TAF3: variants seen among roughly 807,000 people sequenced by gnomAD.
TAF3 encodes transcription initiation factor TFIID subunit 3.
A neutral mutation model predicts 80.6 loss-of-function variants in TAF3; 7 were observed. The observed-to-expected ratio is 0.09, with a 90% confidence interval of 0.05 to 0.16. The LOEUF (loss-of-function observed/expected upper bound fraction) is 0.16. Among genes scored for constraint, TAF3 ranks in the 10% least tolerant of loss-of-function variants. The pLI is 1.00. For missense variants in TAF3, 921 were observed against 1,140.2 expected, an observed-to-expected ratio of 0.81 and a Z score of 2.77; for synonymous variants, 444 against 446.1, an observed-to-expected ratio of 1.00 and a Z score of 0.06.
chr10:7,999,083 T>G (rs1055647333), intron 4 of TAF3, among the ~76,000 whole-genome samples: 9 of 152,044 alleles, frequency 5.9e-5, no homozygotes, highest in African/African-American at 1.7e-4. Context: ...TGTGACTCAT[T>G]AAGCAGATGG....
At chr10:7,882,892 G>A (rs909657339) in intron 2 of TAF3, among the ~76,000 whole-genome samples, 15 of 152,108 alleles carry the variant, frequency 9.9e-5, no homozygotes, top group African/African-American at 3.1e-4. Flanking sequence ...ACTTTACATC[G>A]TTTGCTTTTT....
intron 2 of TAF3, among the ~76,000 whole-genome samples, chr10:7,924,735 A>G (rs1272563402): frequency 6.6e-6 from 1 of 151,966 alleles, no homozygotes; most frequent in Non-Finnish European, 1.5e-5. Flanking sequence ...CACCACCCCA[A>G]CAGAACACTA....
At position 7,994,995 on chromosome 10, in the gene TAF3, A is replaced by C. The variant is rs1030687199; in HGVS notation, c.2316-14083A>C. ...AAAAAAAGAAAAAAAAAAAAAAAAA[A>C]GAAAAAAGAAATCCTGAGTCTTAAG... On this transcript the variant is annotated intron_variant, in intron 4 of 6. Transcript: ENST00000344293. Among the ~76,000 whole-genome samples, 19 of 150,566 alleles carry C rather than the reference A, an allele frequency of 1.3e-4. No homozygotes were observed. The East Asian group carries it at 3.7e-3, about 29-fold the overall frequency.
Position 7,965,349 on chromosome 10 carries a change from A to C in TAF3, c.1839A>C (p.Lys613Asn). 1 of 1,603,528 alleles carries C rather than the reference A, an allele frequency of 6.2e-7. No homozygotes were observed. The highest frequency in any genetic ancestry group is 8.5e-7 in the Non-Finnish European group (1 of 1,177,504). Reference protein sequence around the residue: ...KLKDGLVRKEKEKHKDKKKDR... With the variant: ...KLKDGLVRKENEKHKDKKKDR... The stretch of plus-strand genomic sequence containing the variant: ...AAGATGGACTTGTGAGGAAGGAGAA[A>C]GAGAAGCATAAAGATAAGAAGAAAG... The change falls in exon 3 of 7, where the codon AAA (lysine) becomes AAC (asparagine). Residue 613 changes from lysine to asparagine, a missense_variant. Physicochemically the swap from Lys to Asn is moderately conservative, Grantham distance 94 (BLOSUM62 0). Transcript: ENST00000344293.
At chr10:7,968,294 T>C (rs1831591707) in intron 3 of TAF3, among the ~76,000 whole-genome samples, 1 of 152,138 alleles carries the variant, frequency 6.6e-6, no homozygotes, top group Admixed American at 6.5e-5. Flanking sequence ...CAAGAGCAAC[T>C]CTCCCAGACA....
chr10:7,846,632 G>T (rs907824266), intron 2 of TAF3, among the ~76,000 whole-genome samples: 1 of 151,840 alleles, frequency 6.6e-6, no homozygotes, highest in Non-Finnish European at 1.5e-5. Context: ...GGAGAAAAAT[G>T]ATCATTTAAA....
At chr10:7,966,001 C>A (rs912559546) in intron 3 of TAF3, among the ~76,000 whole-genome samples, 8 of 151,752 alleles carry the variant, frequency 5.3e-5, no homozygotes, top group African/African-American at 1.9e-4. Context: ...TCTCTATTAG[C>A]TATAGTGATC....
intron 1 of TAF3, among the ~76,000 whole-genome samples, chr10:7,822,981 G>A (rs1281883698): frequency 6.6e-6 from 1 of 152,064 alleles, no homozygotes; most frequent in African/African-American, 2.4e-5. Flanking sequence ...GCATGTTGGT[G>A]GTGCACTGGT....
chr10:7,948,258 CT>C (rs575870423), intron 2 of TAF3, among the ~76,000 whole-genome samples: 315 of 139,234 alleles, frequency 2.3e-3, no homozygotes, highest in Admixed American at 3.2e-3. Flanking sequence ...TTCTTTCTTT[CT>C]TTTTTTTTTT....
rs71515491 is a variant in TAF3 at position 7,827,779 on chromosome 10, C to CAAAAAAAAA, written c.409+3228_409+3236dup. 4.2e-5 allele frequency among the ~76,000 whole-genome samples: 4 copies of CAAAAAAAAA among 94,936 alleles called. 1 individual carries two copies. Among genetic ancestry groups the CAAAAAAAAA allele is most frequent in the South Asian group, 6.4e-4 (2 of 3,110 alleles). The allele number at this position is 94,936 out of a possible 152,430, so 62.3% of individuals were successfully genotyped here. ...TGGGTGACGGAGCGAGACTCTGTCTCAAAAAAAAAAAAAAAAACAAAAACA... is the reference window on the plus strand; with the variant it reads ...TGGGTGACGGAGCGAGACTCTGTCTCAAAAAAAAAAAAAAAAAAAAAAAAAACAAAAACA... On this transcript the variant is annotated intron_variant, in intron 2 of 6. Coordinates refer to ENST00000344293, the MANE Select transcript of TAF3 (RefSeq NM_031923.4).
At chr10:7,824,265 T>C (rs1054396381) in intron 1 of TAF3, 53 bp from the exon 2 acceptor site, 9 of 1,559,772 alleles carry the variant, frequency 5.8e-6, no homozygotes, top group African/African-American at 1.4e-5. Flanking sequence ...TATTTAAAAA[T>C]ATATTCGTGG....
At chr10:7,913,890 A>G in intron 2 of TAF3, among the ~76,000 whole-genome samples, 1 of 152,380 alleles carries the variant, frequency 6.6e-6, no homozygotes, top group East Asian at 1.9e-4. Flanking sequence ...TAAGTGATAC[A>G]GGAGGAGGGA....
At chr10:7,915,107 C>CT (rs1310338778) in intron 2 of TAF3, among the ~76,000 whole-genome samples, 2 of 151,156 alleles carry the variant, frequency 1.3e-5, no homozygotes, top group Non-Finnish European at 3.0e-5. Context: ...CGCCCAGCTA[C>CT]TTTTTTGTAT....
At chr10:7,920,883 T>G (rs1837756664) in intron 2 of TAF3, among the ~76,000 whole-genome samples, 1 of 152,234 alleles carries the variant, frequency 6.6e-6, no homozygotes, top group African/African-American at 2.4e-5. Flanking sequence ...GCTAAAAAGC[T>G]GTTGCTGGTT....
intron 1 of TAF3, among the ~76,000 whole-genome samples, chr10:7,821,397 C>T (rs542476246): frequency 6.6e-6 from 1 of 152,252 alleles, no homozygotes; most frequent in East Asian, 1.9e-4. Context: ...GCATCACTTA[C>T]GAACCAACCC....
chr10:7,844,933 A>G (rs775348986), intron 2 of TAF3, among the ~76,000 whole-genome samples: 5 of 152,292 alleles, frequency 3.3e-5, no homozygotes, highest in East Asian at 1.9e-4. Context: ...AAATATTGCA[A>G]TGTTGCATCA....
chr10:7,956,446 C>A (rs1838136998), intron 2 of TAF3, among the ~76,000 whole-genome samples: 1 of 152,148 alleles, frequency 6.6e-6, no homozygotes, highest in Admixed American at 6.5e-5. Flanking sequence ...GGAATCATGC[C>A]ACTGCACTCC....
At chr10:7,842,150 T>TG (rs1836921342) in intron 2 of TAF3, among the ~76,000 whole-genome samples, 1 of 136,814 alleles carries the variant, frequency 7.3e-6, no homozygotes, top group African/African-American at 2.7e-5. Context: ...GAATTAATAT[T>TG]GTTTTTTTTT....
chr10:7,970,968 A>G (rs1481223160), intron 3 of TAF3, among the ~76,000 whole-genome samples: 1 of 152,236 alleles, frequency 6.6e-6, no homozygotes, highest in Non-Finnish European at 1.5e-5. Flanking sequence ...AATAAACCCA[A>G]TAAAGGGGAG....
Sources: gnomAD v4.1 joint callset for allele counts (sites outside exome capture counted in the v4.1 genomes callset) on GRCh38, gnomAD v4.1.1 for gene constraint, MANE v1.5 for transcripts, NCBI Gene and HGNC (gene_info 2026-07-23, HGNC 2026-07-21) for gene names.